The following PLXDC2 variants were observed in gnomAD, a reference collection of about 807,000 sequenced individuals.
PLXDC2 encodes plexin domain-containing protein 2.
A neutral mutation model predicts 68.9 loss-of-function variants in PLXDC2; 40 were observed. The observed-to-expected ratio is 0.58, with a 90% CI of 0.45 to 0.76. The LOEUF is 0.76. Ranked by LOEUF, PLXDC2 falls within the 30% of genes least tolerant of loss-of-function variation. PLXDC2 has a pLI of 0.00. For synonymous variants in PLXDC2, 243 were observed against 234.2 expected, an observed-to-expected ratio of 1.04 and a Z score of -0.34; for missense variants, 644 against 661.9, an observed-to-expected ratio of 0.97 and a Z score of 0.30.
At chr10:20,140,635 A>G (rs1833992723) in intron 4 of PLXDC2, among the ~76,000 whole-genome samples, 2 of 152,064 alleles carry the variant, frequency 1.3e-5, no homozygotes, top group Admixed American at 6.5e-5. Context: ...ATTATTAACC[A>G]CTACTGAAGT....
intron 2 of PLXDC2, among the ~76,000 whole-genome samples, chr10:20,021,021 G>A (rs530874416): frequency 6.6e-6 from 1 of 152,282 alleles, no homozygotes; most frequent in East Asian, 1.9e-4. Flanking sequence ...ACTGGTCACA[G>A]TTTACTTCCA....
At chr10:20,215,744 G>A (rs558877116) in intron 10 of PLXDC2, among the ~76,000 whole-genome samples, 13 of 152,162 alleles carry the variant, frequency 8.5e-5, no homozygotes, top group Admixed American at 6.5e-4. Flanking sequence ...GAAAGAATAG[G>A]TCAGCCCAGA....
At chr10:19,905,194 CTT>C (rs1833134004) in intron 1 of PLXDC2, among the ~76,000 whole-genome samples, 1 of 152,148 alleles carries the variant, frequency 6.6e-6, no homozygotes, top group Admixed American at 6.5e-5. Flanking sequence ...TTACTTTTCT[CTT>C]TGTTTATTTT....
chr10:20,200,344 A>G (rs1834900258), intron 9 of PLXDC2, among the ~76,000 whole-genome samples: 1 of 152,110 alleles, frequency 6.6e-6, no homozygotes, highest in South Asian at 2.1e-4. Flanking sequence ...GAGTAATATA[A>G]GAAATGTTAA....
chr10:19,883,569 C>G (rs1837776003), intron 1 of PLXDC2, among the ~76,000 whole-genome samples: 1 of 152,048 alleles, frequency 6.6e-6, no homozygotes, highest in Middle Eastern at 3.4e-3. Context: ...GGAACACACA[C>G]AAAAAAATCC....
intron 9 of PLXDC2, among the ~76,000 whole-genome samples, chr10:20,186,292 A>G (rs1483989344): frequency 6.6e-6 from 1 of 151,970 alleles, no homozygotes; most frequent in Non-Finnish European, 1.5e-5. Context: ...TCAAAGAGAG[A>G]TTAGACTTTA....
At chr10:20,189,476 CATATATATATATATAT>C (rs59999548) in intron 9 of PLXDC2, among the ~76,000 whole-genome samples, 4 of 75,808 alleles carry the variant, frequency 5.3e-5, no homozygotes, top group African/African-American at 1.5e-4. Context: ...AAAGGTAGGC[CATATATATATATATAT>C]ATATATATAT....
chr10:20,190,808 A>C (rs1040899768), intron 9 of PLXDC2, among the ~76,000 whole-genome samples: 44 of 152,076 alleles, frequency 2.9e-4, no homozygotes, highest in African/African-American at 1.0e-3. Flanking sequence ...CTCTTTTAAT[A>C]TTTATGTAAG....
At chr10:19,964,688 C>T (rs953660173) in intron 1 of PLXDC2, among the ~76,000 whole-genome samples, 3 of 152,110 alleles carry the variant, frequency 2.0e-5, no homozygotes, top group Non-Finnish European at 4.4e-5. Flanking sequence ...TCGTGTCTCT[C>T]TGCCCCAGTA....
rs1432440057 is a variant in PLXDC2 at position 20,283,057 on chromosome 10, G to T, written c.*3238G>T. On this transcript the variant is annotated 3_prime_UTR_variant, in exon 14 of 14. Transcript: ENST00000377252. ...ATATTGGATAACAAGAAACACTTCC[G>T]TGGTTGAAGAAAATTTTAATGGACA... 6.6e-6 allele frequency: 1 copy of T among 152,188 alleles called. No individual in the cohort carries two copies. Among genetic ancestry groups the T allele is most frequent in the Non-Finnish European group, 1.5e-5 (1 of 68,040 alleles). 9.4% of individuals were successfully genotyped at this position (152,188 alleles called of 1,614,324 possible).
chr10:20,046,909 G>C lies in PLXDC2; in HGVS notation c.365G>C (p.Gly122Ala). 1.2e-6 allele frequency: 2 copies of C among 1,612,438 alleles called. No individual in the cohort carries two copies. Among genetic ancestry groups the C allele is most frequent in the Non-Finnish European group, 1.7e-6 (2 of 1,179,130 alleles). ...AATTACTATATATCTCGAATATATG[G>C]TCCATCTGATTCTGCCAGCCGGGAT... The part of the protein sequence containing the change: ...DHNYYISRIY[G>A]PSDSASRDLW... Residue 122 changes from glycine (G) to alanine (A), a missense_variant, in exon 3 of 14, where the codon GGT (glycine) becomes GCT (alanine). This residue lies in a region of PLXDC2 where 201 missense variants were observed against 166.9 expected (regional missense o/e 1.20). Transcript: ENST00000377252.
chr10:20,165,384 C>T (rs757635835), intron 7 of PLXDC2, among the ~76,000 whole-genome samples: 2 of 152,028 alleles, frequency 1.3e-5, no homozygotes, highest in Non-Finnish European at 2.9e-5. Flanking sequence ...CCCACTAACT[C>T]GTCATCTAGC....
chr10:20,186,528 C>CCA, intron 9 of PLXDC2, among the ~76,000 whole-genome samples: 1 of 151,848 alleles, frequency 6.6e-6, no homozygotes, highest in Non-Finnish European at 1.5e-5. Flanking sequence ...CTAAGCCTAC[C>CCA]AACCAATAGT....
intron 6 of PLXDC2, among the ~76,000 whole-genome samples, chr10:20,151,750 G>A (rs991840779): frequency 6.6e-6 from 1 of 152,050 alleles, no homozygotes; most frequent in Non-Finnish European, 1.5e-5. Flanking sequence ...CAAATTCTAA[G>A]AGCATATAAT....
intron 9 of PLXDC2, among the ~76,000 whole-genome samples, chr10:20,208,391 T>C (rs971732611): frequency 6.6e-6 from 1 of 152,082 alleles, no homozygotes; most frequent in South Asian, 2.1e-4. Context: ...TGAGACTTAT[T>C]TACTACCATG....
chr10:20,124,826 C>A (rs1033484145), intron 4 of PLXDC2, among the ~76,000 whole-genome samples: 3 of 110,852 alleles, frequency 2.7e-5, no homozygotes, highest in African/African-American at 1.3e-4. Context: ...GCCATTTTCA[C>A]TTCTTTTGTG....
chr10:20,176,691 C>T (rs1348512475), intron 7 of PLXDC2, among the ~76,000 whole-genome samples: 3 of 151,992 alleles, frequency 2.0e-5, no homozygotes, highest in Non-Finnish European at 4.4e-5. Context: ...GAGTCAAAAT[C>T]TTTGAAAATA....
At chr10:20,232,822 C>G (rs891719466) in intron 12 of PLXDC2, among the ~76,000 whole-genome samples, 4 of 152,038 alleles carry the variant, frequency 2.6e-5, no homozygotes, top group African/African-American at 9.7e-5. Flanking sequence ...TTGGTATATA[C>G]AGTTATAAAA....
chr10:20,228,998 G>A (rs191658536), intron 12 of PLXDC2, among the ~76,000 whole-genome samples: 7 of 152,242 alleles, frequency 4.6e-5, no homozygotes, highest in Non-Finnish European at 5.9e-5. Context: ...GGACAGTGAG[G>A]AAATTGGAGT....
Sources: allele counts gnomAD v4.1 joint callset (sites outside exome capture counted in the v4.1 genomes callset), GRCh38; gene constraint gnomAD v4.1.1; regional missense constraint gnomAD v4.1.1; transcripts MANE v1.5; gene names NCBI Gene and HGNC (gene_info 2026-07-23, HGNC 2026-07-21).